Variants in SSMEM1 observed in about 807,000 individuals in gnomAD.
SSMEM1 encodes the protein serine rich single-pass membrane protein 1, also known as serine-rich single-pass membrane protein 1.
Under a neutral mutation model 9.9 loss-of-function variants are expected in SSMEM1, and 12 were observed. The ratio of observed to expected loss-of-function variants is 1.21; its 90% CI spans 0.78 to 1.96. The LOEUF (loss-of-function observed/expected upper bound fraction) is 1.96. Among genes scored for constraint, SSMEM1 ranks in the 30% most tolerant of loss-of-function variants. The pLI is 0.00. For synonymous variants in SSMEM1, 96 were observed against 98.9 expected (o/e 0.97, Z 0.17); for missense variants, 259 against 292.2 (o/e 0.89, Z 0.83).
In SSMEM1 at chr7:130,216,377, C is replaced by A; in HGVS notation, c.642C>A (p.Ser214=). The A allele has an allele frequency of 6.2e-7, 1 of 1,614,180 alleles. No individual in the cohort carries two copies. ...LRTNEWLAHH[S]RQKPSVTPPM... ...CCAACGAATGGTTGGCGCACCATTC[C>A]CGACAGAAGCCTTCAGTAACACCGC... is the stretch of plus-strand genomic sequence containing the variant. The change falls in exon 3 of 3, where the codon TCC becomes TCA. Residue 214 remains serine, a synonymous_variant. Transcript: ENST00000297819.
intron 1 of SSMEM1, among the ~76,000 whole-genome samples, chr7:130,212,432 T>G (rs1276334446): frequency 6.6e-6 from 1 of 152,096 alleles, no homozygotes; most frequent in Non-Finnish European, 1.5e-5. Context: ...CTTTAAGAAC[T>G]AAACTAATCT....
At chr7:130,213,692 C>CAAAAAAAAAAAAAAAAAAAAAAAAAAAA (rs1179465068) in intron 2 of SSMEM1, among the ~76,000 whole-genome samples, 158 bp downstream of exon 2, 1 of 79,844 alleles carries the variant, frequency 1.3e-5, no homozygotes, top group Non-Finnish European at 2.3e-5. Flanking sequence ...GACCCAGTAC[C>CAAAAAAAAAAAAAAAAAAAAAAAAAAAA]AAAAAAAAAA....
rs1174278885 is a variant in SSMEM1, at chr7:130,208,103, C to CT, written c.183+17dup. The CT allele has an allele frequency of 1.9e-6, 3 of 1,586,570 alleles. No individual in the cohort carries two copies. The highest frequency in any genetic ancestry group is 1.7e-6 in the Non-Finnish European group (2 of 1,170,948). On this transcript the variant is annotated intron_variant, in intron 1 of 2. Coordinates refer to ENST00000297819, the MANE Select transcript of SSMEM1 (RefSeq NM_145268.4). Reference sequence around the variant, plus strand: ...TAGGGCTTCTGTCTGGGTAGGATATCTTTTTTTCATTTTAAATAATATGTT... The same window carrying CT: ...TAGGGCTTCTGTCTGGGTAGGATATCTTTTTTTTCATTTTAAATAATATGTT...
chr7:130,212,303 G>A (rs1032657104), intron 1 of SSMEM1, among the ~76,000 whole-genome samples: 2 of 152,126 alleles, frequency 1.3e-5, no homozygotes, highest in Admixed American at 6.5e-5. Flanking sequence ...TTACATTTTG[G>A]AGGAAACTTT....
upstream of SSMEM1, chr7:130,207,658 GA>G (rs1284702642): frequency 2.8e-5 from 16 of 563,446 alleles, no homozygotes; most frequent in Non-Finnish European, 3.2e-5. Flanking sequence ...CAAGTTTTAG[GA>G]AAAAAAATTA....
chr7:130,205,453 G>T (rs1798424660), upstream of SSMEM1: 3 of 1,608,872 alleles, frequency 1.9e-6, no homozygotes, highest in Non-Finnish European at 2.5e-6. Flanking sequence ...GGAGGCCACC[G>T]GCAAGCGGCT....
At chr7:130,214,378 A>C (rs1798663480) in intron 2 of SSMEM1, among the ~76,000 whole-genome samples, 1 of 152,104 alleles carries the variant, frequency 6.6e-6, no homozygotes, top group Non-Finnish European at 1.5e-5. Flanking sequence ...ATGCCACTAC[A>C]CTCCAGCCTG....
At position 130,213,274 on chromosome 7, in the gene SSMEM1, G is replaced by A. The variant is rs187455918; in HGVS notation, c.184-206G>A. Among the ~76,000 whole-genome samples, 519 of 152,214 alleles carry A rather than the reference G, an allele frequency of 3.4e-3. 5 individuals carry two copies. The highest frequency in any genetic ancestry group is 0.014 in the Middle Eastern group (4 of 294). ...GAGGCAGGAGAATCACTTGAACCCG[G>A]AAGATAGAGGTTGCAGTGAGCTGAG... On this transcript the variant is annotated intron_variant, in intron 1 of 2. Transcript: ENST00000297819.
At chr7:130,206,214 T>C (rs1317603769), upstream of SSMEM1, among the ~76,000 whole-genome samples, 3 of 152,100 alleles carry the variant, frequency 2.0e-5, no homozygotes, top group Admixed American at 2.0e-4. Flanking sequence ...ATATAGAAAA[T>C]AAGACCTTCC....
At chr7:130,209,602 C>A (rs991318537) in intron 1 of SSMEM1, among the ~76,000 whole-genome samples, 2 of 152,092 alleles carry the variant, frequency 1.3e-5, no homozygotes, top group African/African-American at 4.8e-5. Context: ...TTTTTTGAGA[C>A]GGAGTCTCGC....
At chr7:130,208,538 A>G (rs575826989) in intron 1 of SSMEM1, among the ~76,000 whole-genome samples, 62 of 152,338 alleles carry the variant, frequency 4.1e-4, no homozygotes, top group African/African-American at 1.5e-3. Context: ...GCACCAAAAA[A>G]TTGTGCAAGT....
At chr7:130,207,192 T>C (rs919125953), upstream of SSMEM1, among the ~76,000 whole-genome samples, 8 of 152,190 alleles carry the variant, frequency 5.3e-5, no homozygotes, top group African/African-American at 1.9e-4. Flanking sequence ...CATTATGTAT[T>C]AGGGCTGCCA....
Position 130,211,243 on chromosome 7 carries a change from C to T in SSMEM1, c.184-2237C>T, listed in dbSNP as rs1166351677. ...TGCAATCTCTGCTCACTGCAAGCTC[C>T]GCCTCTCAGGTTCACACCATTCTCC... On this transcript the variant is annotated intron_variant, in intron 1 of 2. Transcript: ENST00000297819. Among the ~76,000 whole-genome samples, 5 of 151,308 alleles carry T rather than the reference C, an allele frequency of 3.3e-5. No individual in the cohort carries two copies. The South Asian group carries it at 8.4e-4, about 25-fold the overall frequency.
intron 2 of SSMEM1, 70 bp from the exon 3 acceptor site, chr7:130,215,904 G>T (rs1168941141): frequency 5.1e-6 from 8 of 1,558,086 alleles, no homozygotes; most frequent in South Asian, 1.2e-5. Flanking sequence ...ACGTGCACAG[G>T]CTTCTTAAGT....
chr7:130,210,611 G>A (rs1180171298), intron 1 of SSMEM1, among the ~76,000 whole-genome samples: 6 of 152,224 alleles, frequency 3.9e-5, no homozygotes, highest in African/African-American at 1.4e-4. Context: ...TGTGGAAACT[G>A]AGCTTAAGAG....
At chr7:130,207,655 TAGGAAAAAAAATTA>T (rs1405010752), upstream of SSMEM1, 1 of 558,954 alleles carries the variant, frequency 1.8e-6, no homozygotes, top group African/African-American at 1.9e-5. Context: ...ATACAAGTTT[TAGGAAAAAAAATTA>T]AGGCAGAATG....
At chr7:130,209,725 G>A (rs543884915) in intron 1 of SSMEM1, among the ~76,000 whole-genome samples, 22 of 152,270 alleles carry the variant, frequency 1.4e-4, no homozygotes, top group African/African-American at 4.8e-4. Flanking sequence ...GATTATAGGC[G>A]TGCATCTCCA....
chr7:130,205,851 T>C (rs1798444135), upstream of SSMEM1, among the ~76,000 whole-genome samples: 1 of 152,012 alleles, frequency 6.6e-6, no homozygotes, highest in South Asian at 2.1e-4. Flanking sequence ...TGTAATTTTT[T>C]TTTTGGTAGA....
At position 130,208,088 on chromosome 7, in the gene SSMEM1, G is replaced by C; in HGVS notation, c.178G>C (p.Val60Leu). 1 of 1,607,952 alleles carries C rather than the reference G, an allele frequency of 6.2e-7. No individual in the cohort carries two copies. Among genetic ancestry groups the C allele is most frequent in the Non-Finnish European group, 8.5e-7 (1 of 1,178,154 alleles). Residue 60 changes from valine to leucine, a missense_variant, in exon 1 of 3, where the codon GTC becomes CTC. Transcript: ENST00000297819. ...CCTGATGTTCTTCTCTAGGGCTTCT[G>C]TCTGGGTAGGATATCTTTTTTTCAT... ...FVLMFFSRAS[V>L]WMSEDKKDEG...
Sources: gnomAD v4.1 joint callset for allele counts (sites outside exome capture counted in the v4.1 genomes callset) on GRCh38, gnomAD v4.1.1 for gene constraint, MANE v1.5 for transcripts, NCBI Gene and HGNC (gene_info 2026-07-23, HGNC 2026-07-21) for gene names.